NSD1: variants seen among roughly 807,000 people sequenced by gnomAD.
NSD1 encodes the protein histone-lysine N-methyltransferase, H3 lysine-36 specific.
A neutral mutation model predicts 242.7 loss-of-function variants in NSD1; 26 were observed. That is an observed-to-expected ratio of 0.11 (90% confidence interval 0.08 to 0.15). The LOEUF (loss-of-function observed/expected upper bound fraction) is 0.15. Among genes scored for constraint, NSD1 ranks in the 10% least tolerant of loss-of-function variants. NSD1 has a pLI of 1.00. For synonymous variants in NSD1, 1,106 were observed against 1,178.1 expected, an observed-to-expected ratio of 0.94 and a Z score of 1.25; for missense variants, 2,495 against 3,272.8, an observed-to-expected ratio of 0.76 and a Z score of 5.80.
chr5:177,241,328 C>A (rs1405931370), intron 8 of NSD1, among the ~76,000 whole-genome samples: 1 of 150,156 alleles, frequency 6.7e-6, no homozygotes, highest in African/African-American at 2.5e-5. Context: ...GAAACCCCGT[C>A]TCTACTAATA....
At chr5:177,222,125 T>C (rs1764286566) in intron 5 of NSD1, among the ~76,000 whole-genome samples, 1 of 150,890 alleles carries the variant, frequency 6.6e-6, no homozygotes, top group Non-Finnish European at 1.5e-5. Context: ...CTTTGTTTTA[T>C]TTTTTATTAT....
In NSD1 at chr5:177,298,847, C is replaced by T; in HGVS notation, c.*3388C>T. 4.3e-6 allele frequency: 1 copy of T among 233,118 alleles called. No homozygotes were observed. Among genetic ancestry groups the T allele is most frequent in the East Asian group, 6.0e-5 (1 of 16,566 alleles). The allele number at this position is 233,118 out of a possible 1,614,324, so 14.4% of individuals were successfully genotyped here. A position where few individuals can be genotyped will look rare whatever the true frequency, so the allele number is the denominator to read the frequency against. Reference sequence around the variant, plus strand: ...CAGCATGAAACTTGGATAGGTTTTACCCTTAGTCCCTATAAGGTGGATTTT... The same window carrying T: ...CAGCATGAAACTTGGATAGGTTTTATCCTTAGTCCCTATAAGGTGGATTTT... On this transcript the variant is annotated 3_prime_UTR_variant, in exon 23 of 23. Coordinates refer to ENST00000439151, the MANE Select transcript of NSD1 (RefSeq NM_022455.5).
chr5:177,209,302 C>A (rs1290334633), intron 4 of NSD1, among the ~76,000 whole-genome samples: 1 of 151,390 alleles, frequency 6.6e-6, no homozygotes, highest in Non-Finnish European at 1.5e-5. Context: ...CTGAGGTGAG[C>A]GGATCACTTC....
intron 19 of NSD1, among the ~76,000 whole-genome samples, chr5:177,282,916 A>C (rs1236078716): frequency 6.6e-6 from 1 of 152,188 alleles, no homozygotes; most frequent in Admixed American, 6.5e-5. Context: ...GAAAATTGTT[A>C]AATATTTAAT....
chr5:177,181,427 G>GTTTTTTTTTTTTTTTTTTTTTT (rs34848476), intron 2 of NSD1, among the ~76,000 whole-genome samples: 2 of 117,334 alleles, frequency 1.7e-5, no homozygotes, highest in Non-Finnish European at 3.4e-5. Flanking sequence ...TTTTTTTTTG[G>GTTTTTTTTTTTTTTTTTTTTTT]TTTTTTTTTT....
At chr5:177,187,331 C>G (rs1290051575) in intron 2 of NSD1, among the ~76,000 whole-genome samples, 1 of 152,004 alleles carries the variant, frequency 6.6e-6, no homozygotes, top group Admixed American at 6.6e-5. Context: ...TCTTGAACTC[C>G]TGACCTCCAG....
chr5:177,147,122 A>G (rs1334796330), intron 2 of NSD1, among the ~76,000 whole-genome samples: 1 of 151,648 alleles, frequency 6.6e-6, no homozygotes, highest in African/African-American at 2.4e-5. Flanking sequence ...TCTTTTTCGT[A>G]TGTGACAGCG....
rs1392469926 is a variant in NSD1, at chr5:177,239,949, C to T, written c.4302+84C>T. 2.9e-5 allele frequency: 22 copies of T among 771,060 alleles called. No individual in the cohort carries two copies. In the Admixed American group the frequency reaches 4.4e-4, roughly 15 times the overall value. 47.8% of individuals were successfully genotyped at this position (771,060 alleles called of 1,614,324 possible). A position where few individuals can be genotyped will look rare whatever the true frequency, so the allele number is the denominator to read the frequency against. The stretch of plus-strand genomic sequence containing the variant: ...ATGACATTTTGAGTAGCAGTTATAA[C>T]ATTGATGTACATACATATAGAAATT... On this transcript the variant is annotated intron_variant, in intron 8 of 22. Transcript: ENST00000439151.
chr5:177,154,884 C>T (rs1385909779), intron 2 of NSD1, among the ~76,000 whole-genome samples: 3 of 151,364 alleles, frequency 2.0e-5, no homozygotes, highest in Non-Finnish European at 4.4e-5. Context: ...TTAGTAGCGA[C>T]GGGGTTTCAC....
chr5:177,166,743 CTTTTT>C (rs967834304), intron 2 of NSD1, among the ~76,000 whole-genome samples: 5 of 133,420 alleles, frequency 3.7e-5, no homozygotes, highest in African/African-American at 8.2e-5. Flanking sequence ...TTTTGAGTTA[CTTTTT>C]TTTTTTTTTT....
chr5:177,292,748 G>A (rs1209684713), intron 22 of NSD1, among the ~76,000 whole-genome samples: 1 of 152,180 alleles, frequency 6.6e-6, no homozygotes. Flanking sequence ...TGCTCAGGTG[G>A]ATGTGGTACC....
rs532683929 is a variant in NSD1, at chr5:177,158,483, G to A, written c.927+22453G>A. Among the ~76,000 whole-genome samples the A allele has an allele frequency of 1.9e-4, 29 of 151,256 alleles. 1 individual carries two copies. In the East Asian group the frequency reaches 2.7e-3, roughly 14 times the overall value. On this transcript the variant is annotated intron_variant, in intron 2 of 22. Coordinates refer to ENST00000439151, the MANE Select transcript of NSD1 (RefSeq NM_022455.5). ...CTCCCAAGTAGCTTGGACTACAGGC[G>A]CCCGCCACCACGCCTGGCTAATGTT...
At chr5:177,229,754 AT>A in intron 5 of NSD1, 5 of 412,324 alleles carry the variant, frequency 1.2e-5, no homozygotes, top group Admixed American at 5.4e-5. Context: ...GTATTTTTTT[AT>A]TTTTTTGAGG....
intron 11 of NSD1, among the ~76,000 whole-genome samples, chr5:177,249,447 TATTA>T (rs201808373): frequency 3.3e-5 from 5 of 150,980 alleles, no homozygotes; most frequent in Admixed American, 1.3e-4. Context: ...TTTTCTTTTT[TATTA>T]ATTAATTATT....
intron 2 of NSD1, among the ~76,000 whole-genome samples, chr5:177,140,978 C>T (rs1159676212): frequency 6.6e-6 from 1 of 152,118 alleles, no homozygotes; most frequent in Non-Finnish European, 1.5e-5. Flanking sequence ...ACCTGAGGTT[C>T]TGCTCTCTCT....
At chr5:177,214,479 T>A (rs1323996830) in intron 5 of NSD1, among the ~76,000 whole-genome samples, 1 of 152,152 alleles carries the variant, frequency 6.6e-6, no homozygotes, top group African/African-American at 2.4e-5. Context: ...GAACAACAAC[T>A]CCTGATTTTC....
intron 13 of NSD1, among the ~76,000 whole-genome samples, chr5:177,258,895 T>C (rs1480372024): frequency 6.6e-6 from 1 of 152,204 alleles, no homozygotes; most frequent in African/African-American, 2.4e-5. Context: ...TGTTGCCCAG[T>C]GTGATCTCAA....
intron 7 of NSD1, among the ~76,000 whole-genome samples, chr5:177,239,145 AC>A (rs1765663546): frequency 1.3e-5 from 2 of 152,176 alleles, no homozygotes; most frequent in Admixed American, 1.3e-4. Context: ...TTTGGATATA[AC>A]TTTTTTACAT....
In NSD1 at chr5:177,235,827, G is replaced by T; in HGVS notation, c.3803G>T (p.Arg1268Leu). Residue 1268 changes from arginine to leucine, a missense_variant, in exon 6 of 23, where the codon CGG becomes CTG. Arg to Leu is a moderately radical substitution (Grantham distance 102, BLOSUM62 -2). Around this residue, in one of 19 missense-constraint regions of NSD1, gnomAD observed 426 missense variants for 411.4 expected, o/e 1.04. Transcript: ENST00000439151. ...PQAELPEPAV[R>L]SEKKRLRKPS... Reference sequence around the variant, plus strand: ...TTTGTTTATCATCTTTTAGCTGTGCGGTCAGAGAAGAAACGCCTTAGGAAG... The same window carrying T: ...TTTGTTTATCATCTTTTAGCTGTGCTGTCAGAGAAGAAACGCCTTAGGAAG... The T allele has an allele frequency of 6.2e-7, 1 of 1,613,856 alleles. No homozygotes were observed. The highest frequency in any genetic ancestry group is 1.1e-5 in the South Asian group (1 of 91,070).
Sources: allele counts gnomAD v4.1 joint callset (sites outside exome capture counted in the v4.1 genomes callset), GRCh38; gene constraint gnomAD v4.1.1; regional missense constraint gnomAD v4.1.1; transcripts MANE v1.5; gene names NCBI Gene and HGNC (gene_info 2026-07-23, HGNC 2026-07-21).